Variants in TBC1D31 observed in about 807,000 individuals in gnomAD.
The protein encoded by TBC1D31 is TBC1 domain family member 31, also known as WD repeat domain 67.
TBC1D31 carries 99 observed loss-of-function variants against 132.9 expected under a neutral mutation model. That is an observed-to-expected ratio of 0.74 (90% confidence interval 0.63 to 0.88). TBC1D31 has a LOEUF of 0.88. TBC1D31 is among the 40% of genes least tolerant of loss of function. The pLI, the probability that TBC1D31 is intolerant of heterozygous loss-of-function variation, is 0.00. For synonymous variants in TBC1D31, 385 were observed against 419.4 expected, an observed-to-expected ratio of 0.92 and a Z score of 1.00; for missense variants, 1,134 against 1,256.6, an observed-to-expected ratio of 0.90 and a Z score of 1.48.
chr8:123,081,088 A>C (rs1334883751), intron 2 of TBC1D31, among the ~76,000 whole-genome samples: 1 of 152,150 alleles, frequency 6.6e-6, no homozygotes, highest in Non-Finnish European at 1.5e-5. Flanking sequence ...GAAACAGTAA[A>C]TACTCTTGTC....
chr8:123,082,641 C>T, intron 2 of TBC1D31, 61 bp from the exon 3 acceptor site: 2 of 1,248,978 alleles, frequency 1.6e-6, no homozygotes, highest in East Asian at 2.3e-5. Context: ...CGGACTCCTT[C>T]CACATGGAAT....
At chr8:123,078,570 A>G (rs1339432915) in intron 2 of TBC1D31, among the ~76,000 whole-genome samples, 1 of 152,194 alleles carries the variant, frequency 6.6e-6, no homozygotes, top group Non-Finnish European at 1.5e-5. Flanking sequence ...CTTTCTACTA[A>G]AAAGAATCAA....
chr8:123,151,797 G>A lies in TBC1D31; in HGVS notation c.3068-9G>A, dbSNP rs1440401403. On this transcript the variant is annotated splice_polypyrimidine_tract_variant and intron_variant, in intron 21 of 21. Transcript: ENST00000287380. ...TCAGCTTTTCTAAATTTTAAATTTCGTTTTCAAGTTTCTTTAAATAGAAGA... is the reference window on the plus strand; with the variant it reads ...TCAGCTTTTCTAAATTTTAAATTTCATTTTCAAGTTTCTTTAAATAGAAGA... The A allele has an allele frequency of 1.2e-5, 19 of 1,547,374 alleles. No homozygotes were observed. The highest frequency in any genetic ancestry group is 7.1e-5 in the Admixed American group (3 of 42,238).
chr8:123,156,333 C>T (rs996759857), downstream of TBC1D31, among the ~76,000 whole-genome samples: 1 of 150,876 alleles, frequency 6.6e-6, no homozygotes, highest in African/African-American at 2.4e-5. Context: ...CCCAGCTACT[C>T]GGGAGGTTGA....
chr8:123,148,836 C>CTGGCCGACATGGCCAACA (rs1426055372), intron 20 of TBC1D31, among the ~76,000 whole-genome samples: 1 of 152,102 alleles, frequency 6.6e-6, no homozygotes, highest in Non-Finnish European at 1.5e-5. Context: ...GGAGTTCGAC[C>CTGGCCGACATGGCCAACA]TGGCCGACAT....
intron 16 of TBC1D31, among the ~76,000 whole-genome samples, chr8:123,133,204 G>A (rs1226049804): frequency 2.0e-5 from 3 of 152,238 alleles, no homozygotes; most frequent in African/African-American, 7.2e-5. Flanking sequence ...GCACATAGCT[G>A]TTTGTATCTC....
chr8:123,090,766 C>T (rs1246526842), intron 4 of TBC1D31, among the ~76,000 whole-genome samples: 2 of 152,020 alleles, frequency 1.3e-5, no homozygotes, highest in Non-Finnish European at 2.9e-5. Context: ...GCCTGGCCAA[C>T]ATAGTGAAAC....
At chr8:123,077,366 A>G in intron 2 of TBC1D31, 109 bp downstream of exon 2, 1 of 1,169,112 alleles carries the variant, frequency 8.6e-7, no homozygotes, top group Non-Finnish European at 1.2e-6. Flanking sequence ...AAGTTCTATT[A>G]TATTTCAGGT....
chr8:123,150,145 G>T lies in TBC1D31; in HGVS notation c.3067+17G>T, dbSNP rs548441125. On this transcript the variant is annotated intron_variant, in intron 21 of 21. Transcript: ENST00000287380. ...CAACACAGAGTAAGTTGATAAGCAA[G>T]AAAATGTTATTCTGCCATTTTAAAT... 5.6e-5 allele frequency: 89 copies of T among 1,576,948 alleles called. No individual in the cohort carries two copies. The Middle Eastern group carries it at 8.3e-4, about 15-fold the overall frequency.
At chr8:123,133,818 A>G (rs1006796524) in intron 16 of TBC1D31, among the ~76,000 whole-genome samples, 2 of 152,130 alleles carry the variant, frequency 1.3e-5, no homozygotes, top group African/African-American at 2.4e-5. Flanking sequence ...AGTTTTTCTA[A>G]CTCATGATAT....
chr8:123,157,197 GC>G, the TBC1D31 span, among the ~76,000 whole-genome samples: 1 of 152,168 alleles, frequency 6.6e-6, no homozygotes, highest in African/African-American at 2.4e-5. Flanking sequence ...CTTCTTTCCG[GC>G]GGGGTTGTAC....
intron 4 of TBC1D31, among the ~76,000 whole-genome samples, chr8:123,092,408 A>C (rs139014939): frequency 1.6e-3 from 241 of 152,152 alleles, no homozygotes; most frequent in African/African-American, 5.7e-3. Flanking sequence ...AATAATTTTT[A>C]CTCCCAGCGG....
At chr8:123,144,111 A>T (rs1351155440) in intron 19 of TBC1D31, among the ~76,000 whole-genome samples, 1 of 152,216 alleles carries the variant, frequency 6.6e-6, no homozygotes, top group African/African-American at 2.4e-5. Flanking sequence ...TTATTTCTAT[A>T]GCATAAAAAT....
the TBC1D31 span, among the ~76,000 whole-genome samples, chr8:123,162,943 C>G: frequency 6.6e-6 from 1 of 152,072 alleles, no homozygotes; most frequent in Non-Finnish European, 1.5e-5. Flanking sequence ...AGCGATTCTC[C>G]TGCCTCAGCC....
At chr8:123,073,897 G>A (rs1454977961) in intron 1 of TBC1D31, among the ~76,000 whole-genome samples, 4 of 151,772 alleles carry the variant, frequency 2.6e-5, no homozygotes, top group African/African-American at 9.7e-5. Flanking sequence ...TGTTGGCCAG[G>A]CTGGTCTTGA....
At chr8:123,077,030 A>G in intron 1 of TBC1D31, 81 bp from the exon 2 acceptor site, 1 of 1,352,198 alleles carries the variant, frequency 7.4e-7, no homozygotes, top group Non-Finnish European at 1.0e-6. Flanking sequence ...TGAACAGACG[A>G]AATGCTTTAC....
chr8:123,097,495 TC>T, intron 6 of TBC1D31, 54 bp downstream of exon 6: 1 of 1,566,734 alleles, frequency 6.4e-7, no homozygotes, highest in South Asian at 1.1e-5. Context: ...CGCATCCGTC[TC>T]TGAACTATAT....
intron 10 of TBC1D31, among the ~76,000 whole-genome samples, chr8:123,112,669 G>A (rs1333192753): frequency 2.0e-5 from 3 of 152,124 alleles, no homozygotes; most frequent in Admixed American, 2.0e-4. Flanking sequence ...CAAGCATGCT[G>A]CATTAATTAG....
At chr8:123,093,809 T>G (rs1816584571) in intron 5 of TBC1D31, 67 bp downstream of exon 5, 9 of 1,146,462 alleles carry the variant, frequency 7.9e-6, no homozygotes, top group African/African-American at 1.6e-5. Context: ...ATTACAAATT[T>G]TCATTTAGTT....
Sources: gnomAD v4.1 joint callset for allele counts (sites outside exome capture counted in the v4.1 genomes callset) on GRCh38, gnomAD v4.1.1 for gene constraint, MANE v1.5 for transcripts, NCBI Gene and HGNC (gene_info 2026-07-23, HGNC 2026-07-21) for gene names.